The following ROR1 variants were observed in gnomAD, a reference collection of about 807,000 sequenced individuals.
ROR1 encodes the protein ROR family WNT receptor 1.
Under a neutral mutation model 78.8 loss-of-function variants are expected in ROR1, and 19 were observed. The ratio of observed to expected loss-of-function variants is 0.24; its 90% confidence interval spans 0.17 to 0.35. ROR1 has a LOEUF of 0.35. ROR1 is among the 10% of genes least tolerant of loss of function. The pLI, the probability that ROR1 is intolerant of heterozygous loss-of-function variation, is 1.00. For missense variants in ROR1, 917 were observed against 1,177.8 expected, an observed-to-expected ratio of 0.78 and a Z score of 3.24; for synonymous variants, 386 against 433.6, an observed-to-expected ratio of 0.89 and a Z score of 1.36.
intron 4 of ROR1, among the ~76,000 whole-genome samples, chr1:64,091,686 C>A (rs1315706535): frequency 6.6e-6 from 1 of 152,120 alleles, no homozygotes; most frequent in Admixed American, 6.6e-5. Flanking sequence ...CCCAACTAAC[C>A]ACAGCCACCA....
chr1:63,949,055 A>C (rs544667775), intron 1 of ROR1, among the ~76,000 whole-genome samples: 1 of 152,182 alleles, frequency 6.6e-6, no homozygotes, highest in African/African-American at 2.4e-5. Context: ...GCTACCCTAC[A>C]TGTGCTCCAG....
At chr1:64,007,740 T>A (rs1646440636) in intron 1 of ROR1, among the ~76,000 whole-genome samples, 1 of 152,186 alleles carries the variant, frequency 6.6e-6, no homozygotes, top group Non-Finnish European at 1.5e-5. Context: ...AACGAATTTC[T>A]CTATTCACAG....
intron 2 of ROR1, among the ~76,000 whole-genome samples, chr1:64,029,895 T>C (rs1419748115): frequency 6.6e-6 from 1 of 152,200 alleles, no homozygotes; most frequent in East Asian, 1.9e-4. Flanking sequence ...GCTTATGCTG[T>C]TTTCCCAGCA....
chr1:63,894,639 G>A (rs971267586), intron 1 of ROR1, among the ~76,000 whole-genome samples: 4 of 151,968 alleles, frequency 2.6e-5, no homozygotes, highest in Non-Finnish European at 5.9e-5. Flanking sequence ...ATATAAGGAA[G>A]GAAGAGCAAA....
At chr1:64,124,759 CAAG>C (rs1648655533) in intron 4 of ROR1, among the ~76,000 whole-genome samples, 1 of 152,174 alleles carries the variant, frequency 6.6e-6, no homozygotes, top group Non-Finnish European at 1.5e-5. Flanking sequence ...TTCTGCATCC[CAAG>C]TGCTGGATGC....
At chr1:63,900,036 T>C (rs1645472221) in intron 1 of ROR1, among the ~76,000 whole-genome samples, 1 of 152,146 alleles carries the variant, frequency 6.6e-6, no homozygotes, top group Non-Finnish European at 1.5e-5. Flanking sequence ...TTAGTGAGAC[T>C]AGTGTTGCTG....
intron 1 of ROR1, among the ~76,000 whole-genome samples, chr1:63,790,323 T>C (rs1235787884): frequency 1.3e-5 from 2 of 152,206 alleles, no homozygotes; most frequent in Non-Finnish European, 2.9e-5. Flanking sequence ...CTTACCTTGG[T>C]GTGACTATCT....
chr1:64,145,258 T>C (rs60050465), intron 7 of ROR1, among the ~76,000 whole-genome samples: 2,729 of 152,234 alleles, frequency 0.018, 96 homozygotes, highest in African/African-American at 0.063. Flanking sequence ...GTATGTATGA[T>C]ACAATAGAAG....
At chr1:63,997,716 CAG>C (rs1646349038) in intron 1 of ROR1, among the ~76,000 whole-genome samples, 1 of 151,982 alleles carries the variant, frequency 6.6e-6, no homozygotes, top group Non-Finnish European at 1.5e-5. Context: ...AGTTTAGAGA[CAG>C]GGGTCGAAAA....
rs543142515 is a variant in ROR1 at position 64,075,088 on chromosome 1, G to T, written c.482+24372G>T. On this transcript the variant is annotated intron_variant, in intron 4 of 8. Transcript: ENST00000371079. Reference sequence around the variant, plus strand: ...AAAAATGTTGGCTGAATCCGATTTGGGGTAACCTTGTCATTCCTGTGCTTG... The same window carrying T: ...AAAAATGTTGGCTGAATCCGATTTGTGGTAACCTTGTCATTCCTGTGCTTG... Among the ~76,000 whole-genome samples, 8 of 152,196 alleles carry T rather than the reference G, an allele frequency of 5.3e-5. No homozygotes were observed. The South Asian group carries it at 1.7e-3, about 32-fold the overall frequency.
intron 1 of ROR1, among the ~76,000 whole-genome samples, chr1:63,780,015 T>C (rs1462104551): frequency 1.3e-5 from 2 of 152,206 alleles, no homozygotes; most frequent in Non-Finnish European, 2.9e-5. Flanking sequence ...GAAAAGGTTG[T>C]ATAAAAAGGC....
Position 63,846,122 on chromosome 1 carries a change from G to GAA in ROR1, c.91+71614_91+71615insAA, listed in dbSNP as rs1318813111. Reference sequence around the variant, plus strand: ...TATTTGACAGAGAGAGAGAGAATGTGTGTGTGTGTGTGTGTGTGTGTGTGT... The same window carrying GAA: ...TATTTGACAGAGAGAGAGAGAATGTGAATGTGTGTGTGTGTGTGTGTGTGTGT... On this transcript the variant is annotated intron_variant, in intron 1 of 8. Coordinates refer to ENST00000371079, the MANE Select transcript of ROR1 (RefSeq NM_005012.4). Among the ~76,000 whole-genome samples, 20 of 3,820 alleles carry GAA rather than the reference G, an allele frequency of 5.2e-3. No homozygotes were observed. The African/African-American group carries it at 0.053, about 10-fold the overall frequency. The allele number at this position is 3,820 out of a possible 152,430, so 2.5% of individuals were successfully genotyped here.
intron 4 of ROR1, among the ~76,000 whole-genome samples, chr1:64,112,883 T>C (rs966306770): frequency 3.9e-5 from 6 of 152,178 alleles, no homozygotes; most frequent in South Asian, 2.1e-4. Flanking sequence ...CAGCCTCCCA[T>C]TGGACATTTC....
intron 1 of ROR1, among the ~76,000 whole-genome samples, chr1:63,968,317 C>G (rs1346021011): frequency 1.3e-5 from 2 of 152,222 alleles, no homozygotes; most frequent in East Asian, 1.9e-4. Flanking sequence ...AATATTTATA[C>G]TAAAGAGCCA....
At chr1:63,969,180 C>G (rs1272542095) in intron 1 of ROR1, among the ~76,000 whole-genome samples, 2 of 152,090 alleles carry the variant, frequency 1.3e-5, no homozygotes, top group Admixed American at 6.5e-5. Flanking sequence ...GTGCCAGGTG[C>G]TGGGAATAAA....
chr1:64,172,695 G>T (rs1167020775), intron 8 of ROR1, among the ~76,000 whole-genome samples: 1 of 152,044 alleles, frequency 6.6e-6, no homozygotes, highest in African/African-American at 2.4e-5. Context: ...ACAAATACTT[G>T]TCAAACAAAA....
chr1:64,022,636 G>T (rs1295770559), intron 2 of ROR1, among the ~76,000 whole-genome samples: 1 of 152,184 alleles, frequency 6.6e-6, no homozygotes, highest in Non-Finnish European at 1.5e-5. Flanking sequence ...TGGACTTCTT[G>T]TGTCCTCAGT....
chr1:64,064,804 C>T (rs921253369), intron 4 of ROR1, among the ~76,000 whole-genome samples: 1 of 152,146 alleles, frequency 6.6e-6, no homozygotes, highest in African/African-American at 2.4e-5. Context: ...AGTAAAACTC[C>T]CCAAGAGAAA....
intron 4 of ROR1, among the ~76,000 whole-genome samples, chr1:64,060,006 T>C (rs1211070727): frequency 2.0e-5 from 3 of 152,170 alleles, no homozygotes; most frequent in Non-Finnish European, 1.5e-5. Context: ...TTAGTTTTTT[T>C]TTTCCTATAT....
Sources: gnomAD v4.1 joint callset for allele counts (sites outside exome capture counted in the v4.1 genomes callset) on GRCh38, gnomAD v4.1.1 for gene constraint, MANE v1.5 for transcripts, NCBI Gene and HGNC (gene_info 2026-07-23, HGNC 2026-07-21) for gene names.